Variants in CSMD1 observed in about 807,000 individuals in gnomAD.
The protein encoded by CSMD1 is CUB and sushi domain-containing protein 1.
In CSMD1, 213 loss-of-function variants were observed where a neutral mutation model predicts 417.5. The observed-to-expected ratio is 0.51, with a 90% CI of 0.46 to 0.57. CSMD1 has a LOEUF of 0.57. CSMD1 is among the 20% of genes least tolerant of loss of function. The pLI, the probability that CSMD1 is intolerant of heterozygous loss-of-function variation, is 0.00. For synonymous variants in CSMD1, 2,862 were observed against 1,736.8 expected (o/e 1.65, Z -16.11); for missense variants, 6,923 against 4,529.7 (o/e 1.53, Z -15.17).
At chr8:3,922,133 CTTTCTTTCATG>C (rs897828076) in intron 5 of CSMD1, among the ~76,000 whole-genome samples, 3 of 91,884 alleles carry the variant, frequency 3.3e-5, no homozygotes, top group Non-Finnish European at 8.7e-5. Flanking sequence ...TTATGACATT[CTTTCTTTCATG>C]TTTCCGTTTT....
intron 3 of CSMD1, among the ~76,000 whole-genome samples, chr8:4,086,638 C>G (rs969467543): frequency 2.0e-5 from 3 of 152,180 alleles, no homozygotes; most frequent in Admixed American, 6.5e-5. Flanking sequence ...TTTCTTAATG[C>G]ACCAAGCGAT....
intron 2 of CSMD1, among the ~76,000 whole-genome samples, chr8:4,426,927 G>T (rs1416358422): frequency 2.0e-5 from 3 of 151,874 alleles, no homozygotes; most frequent in South Asian, 4.2e-4. Context: ...TTATATAGAA[G>T]AGAAATTATG....
intron 3 of CSMD1, among the ~76,000 whole-genome samples, chr8:4,401,495 G>T (rs536150105): frequency 1.3e-5 from 2 of 152,070 alleles, no homozygotes; most frequent in Non-Finnish European, 2.9e-5. Context: ...CCCTCACCCA[G>T]AGAGGAGAAC....
At chr8:4,384,102 A>G (rs974049670) in intron 3 of CSMD1, among the ~76,000 whole-genome samples, 49 of 152,130 alleles carry the variant, frequency 3.2e-4, no homozygotes, top group African/African-American at 1.1e-3. Context: ...TGTCACACCT[A>G]AAGCATCAAC....
chr8:3,334,166 C>A (rs1015109909), intron 23 of CSMD1, among the ~76,000 whole-genome samples: 1 of 152,132 alleles, frequency 6.6e-6, no homozygotes, highest in Non-Finnish European at 1.5e-5. Flanking sequence ...ATGACATCAA[C>A]CTTTTCAAGG....
At chr8:4,154,871 G>A (rs570268722) in intron 3 of CSMD1, among the ~76,000 whole-genome samples, 1 of 152,154 alleles carries the variant, frequency 6.6e-6, no homozygotes, top group Non-Finnish European at 1.5e-5. Context: ...CAAGTCAGCT[G>A]CATCACAGTC....
chr8:4,298,959 T>A (rs566757145), intron 3 of CSMD1, among the ~76,000 whole-genome samples: 2 of 152,104 alleles, frequency 1.3e-5, no homozygotes, highest in Admixed American at 6.6e-5. Context: ...ATATGTCATA[T>A]ATAATAGAAC....
chr8:4,646,657 C>A (rs1272270175), intron 1 of CSMD1, among the ~76,000 whole-genome samples: 3 of 152,154 alleles, frequency 2.0e-5, no homozygotes, highest in Non-Finnish European at 4.4e-5. Flanking sequence ...TCTGCGTCAA[C>A]AAGGCATATT....
chr8:4,874,058 T>A (rs1397166752), intron 1 of CSMD1, among the ~76,000 whole-genome samples: 2 of 152,154 alleles, frequency 1.3e-5, no homozygotes, highest in Non-Finnish European at 2.9e-5. Flanking sequence ...CATCTACCTT[T>A]ACCTTAAAAC....
chr8:3,840,595 T>C (rs553433096), intron 5 of CSMD1, among the ~76,000 whole-genome samples: 1 of 152,130 alleles, frequency 6.6e-6, no homozygotes, highest in East Asian at 1.9e-4. Flanking sequence ...CATGTGAGTG[T>C]ATGTATAGGT....
chr8:3,775,606 T>G (rs116089027), intron 5 of CSMD1, among the ~76,000 whole-genome samples: 1,539 of 152,308 alleles, frequency 0.01, 35 homozygotes, highest in African/African-American at 0.034. Context: ...TCAGTAAAGT[T>G]CGTAAATTGT....
chr8:3,712,060 T>G (rs1001137082), intron 6 of CSMD1, among the ~76,000 whole-genome samples: 5 of 152,198 alleles, frequency 3.3e-5, no homozygotes, highest in Non-Finnish European at 7.3e-5. Flanking sequence ...AAGCTACGTC[T>G]CCACTAGGGA....
chr8:4,445,392 T>C (rs11784730), intron 2 of CSMD1, among the ~76,000 whole-genome samples: 13,704 of 152,276 alleles, frequency 0.09, 871 homozygotes, highest in Admixed American at 0.2. Context: ...ACAAATTCTA[T>C]GCTTTTGGAT....
chr8:3,981,772 G>T (rs550678282), intron 5 of CSMD1, among the ~76,000 whole-genome samples: 1 of 152,270 alleles, frequency 6.6e-6, no homozygotes, highest in South Asian at 2.1e-4. Flanking sequence ...GACAGGCTGT[G>T]CGCTTCACAA....
intron 3 of CSMD1, among the ~76,000 whole-genome samples, chr8:4,220,113 C>G (rs1270458371): frequency 6.6e-6 from 1 of 152,036 alleles, no homozygotes; most frequent in African/African-American, 2.4e-5. Flanking sequence ...CCATGCCCAG[C>G]TGATTTTTTG....
chr8:3,802,957 C>G (rs867361595), intron 5 of CSMD1, among the ~76,000 whole-genome samples: 1 of 152,010 alleles, frequency 6.6e-6, no homozygotes, highest in Non-Finnish European at 1.5e-5. Flanking sequence ...AATAATCAGC[C>G]AAAAATGTTC....
chr8:3,697,483 T>C (rs1355599041), intron 7 of CSMD1, among the ~76,000 whole-genome samples: 2 of 152,212 alleles, frequency 1.3e-5, no homozygotes, highest in African/African-American at 4.8e-5. Context: ...GTGTATAAAA[T>C]GGAATTCTTT....
chr8:4,689,534 T>C (rs1806626207), intron 1 of CSMD1, among the ~76,000 whole-genome samples: 1 of 152,200 alleles, frequency 6.6e-6, no homozygotes, highest in Non-Finnish European at 1.5e-5. Flanking sequence ...TAAAGTATCA[T>C]AAGGATTATT....
At chr8:4,871,493 G>A (rs957995724) in intron 1 of CSMD1, among the ~76,000 whole-genome samples, 2 of 152,030 alleles carry the variant, frequency 1.3e-5, no homozygotes, top group African/African-American at 4.8e-5. Flanking sequence ...TTGACCCAAC[G>A]CCCGTGTATC....
Sources: allele counts gnomAD v4.1 joint callset (sites outside exome capture counted in the v4.1 genomes callset), GRCh38; gene constraint gnomAD v4.1.1; transcripts MANE v1.5; gene names NCBI Gene and HGNC (gene_info 2026-07-23, HGNC 2026-07-21).